Variants in LRP2BP observed in about 807,000 individuals in gnomAD.
LRP2BP encodes the protein LRP2 binding protein.
A neutral mutation model predicts 45.2 loss-of-function variants in LRP2BP; 38 were observed. The observed-to-expected ratio is 0.84, with a 90% CI of 0.65 to 1.10. LRP2BP has a LOEUF of 1.10. Ranked by LOEUF, LRP2BP falls within the 50% of genes least tolerant of loss-of-function variation. LRP2BP has a pLI of 0.00. For synonymous variants in LRP2BP, 153 were observed against 153.9 expected, an observed-to-expected ratio of 0.99 and a Z score of 0.04; for missense variants, 385 against 418.9, an observed-to-expected ratio of 0.92 and a Z score of 0.71.
In LRP2BP at chr4:185,395,479, G is replaced by A. The variant is rs4862523; in HGVS notation, c.-722C>T. On this transcript the variant is annotated 5_prime_UTR_variant, in exon 1 of 9. Coordinates refer to ENST00000505916, the MANE Select transcript of LRP2BP (RefSeq NM_001377440.1). Reference sequence around the variant, plus strand: ...AAAGCGAAACTGGCAATATCAACGTGTGCTCACCTCACAAATCTGACAACA... The same window carrying A: ...AAAGCGAAACTGGCAATATCAACGTATGCTCACCTCACAAATCTGACAACA... The A allele has an allele frequency of 0.69, 676,891 of 984,590 alleles. 238,817 individuals carry two copies. The highest frequency in any genetic ancestry group is 0.82 in the East Asian group (7,191 of 8,816). 61.0% of individuals were successfully genotyped at this position (984,590 alleles called of 1,614,324 possible). A position where few individuals can be genotyped will look rare whatever the true frequency, so the allele number is the denominator to read the frequency against.
At chr4:185,370,536 A>G in intron 8 of LRP2BP, 104 bp downstream of exon 8, 1 of 1,167,688 alleles carries the variant, frequency 8.6e-7, no homozygotes, top group Non-Finnish European at 1.2e-6. Context: ...TTATCTGCAC[A>G]GTAATTGAGT....
intron 8 of LRP2BP, among the ~76,000 whole-genome samples, chr4:185,369,533 T>G (rs2095407702): frequency 6.6e-6 from 1 of 152,182 alleles, no homozygotes. Context: ...CATGAACCAC[T>G]GTGCCTGGCC....
Position 185,367,045 on chromosome 4 carries a change from G to A in LRP2BP, c.*135C>T, listed in dbSNP as rs771930067. Reference sequence around the variant, plus strand: ...CTTAACAGCGTACGAATTCAAGAACGAAGTAACATGTCACCTGTAAAATAC... The same window carrying A: ...CTTAACAGCGTACGAATTCAAGAACAAAGTAACATGTCACCTGTAAAATAC... On this transcript the variant is annotated 3_prime_UTR_variant, in exon 9 of 9. Transcript: ENST00000505916. 3.8e-6 allele frequency: 3 copies of A among 780,204 alleles called. No homozygotes were observed. Among genetic ancestry groups the A allele is most frequent in the South Asian group, 3.7e-5 (2 of 54,622 alleles). The allele number at this position is 780,204 out of a possible 1,614,324, so 48.3% of individuals were successfully genotyped here.
chr4:185,377,151 T>G (rs2095440863), intron 2 of LRP2BP, 133 bp from the exon 3 acceptor site: 3 of 682,062 alleles, frequency 4.4e-6, no homozygotes, highest in Admixed American at 2.4e-5. Context: ...ACAACTGGCC[T>G]CCTTAGCTCA....
chr4:185,387,686 C>T lies in LRP2BP; in HGVS notation c.-22+7093G>A, dbSNP rs1051000410. On this transcript the variant is annotated intron_variant, in intron 1 of 8. Coordinates refer to ENST00000505916, the MANE Select transcript of LRP2BP (RefSeq NM_001377440.1). Reference sequence around the variant, plus strand: ...AGGTTACAAACATACTGCCATTGGCCACAGATGGACAGCCATAAGGCTATC... The same window carrying T: ...AGGTTACAAACATACTGCCATTGGCTACAGATGGACAGCCATAAGGCTATC... Among the ~76,000 whole-genome samples the T allele has an allele frequency of 1.1e-4, 16 of 152,274 alleles. No homozygotes were observed. The East Asian group carries it at 1.7e-3, about 17-fold the overall frequency.
At chr4:185,397,115 G>T (rs772747190), upstream of LRP2BP, 7 of 1,611,858 alleles carry the variant, frequency 4.3e-6, no homozygotes, top group South Asian at 6.6e-5. Flanking sequence ...CTGGACAAAG[G>T]TGGGAAGGGT....
At chr4:185,380,233 T>C (rs2095451838) in intron 1 of LRP2BP, among the ~76,000 whole-genome samples, 1 of 152,246 alleles carries the variant, frequency 6.6e-6, no homozygotes, top group Admixed American at 6.5e-5. Flanking sequence ...TGGCGTCTTT[T>C]ATTAGCTCCC....
Position 185,374,089 on chromosome 4 carries a change from T to C in LRP2BP, c.579+46A>G, listed in dbSNP as rs376242717. The C allele has an allele frequency of 1.1e-5, 17 of 1,489,494 alleles. No homozygotes were observed. In the African/African-American group the frequency reaches 1.8e-4, roughly 16 times the overall value. The allele number at this position is 1,489,494 out of a possible 1,614,324, so 92.3% of individuals were successfully genotyped here. On this transcript the variant is annotated intron_variant, in intron 6 of 8. Coordinates refer to ENST00000505916, the MANE Select transcript of LRP2BP (RefSeq NM_001377440.1). ...TTCTCAAAAAAAGCAGTGAAACAAA[T>C]ATTAATCTAAATATAACACTAGCAT...
Position 185,374,478 on chromosome 4 carries a change from A to G in LRP2BP, c.331-17T>C, listed in dbSNP as rs753634565. 2 of 1,605,152 alleles carry G rather than the reference A, an allele frequency of 1.2e-6. No individual in the cohort carries two copies. The highest frequency in any genetic ancestry group is 2.2e-5 in the South Asian group (2 of 89,096). ...CCCTTTCTCCTTCGACAAAAGAAAG[A>G]GCAAAAAAACCCTAGTTTTTAGTTT... is the stretch of plus-strand genomic sequence containing the variant. On this transcript the variant is annotated splice_polypyrimidine_tract_variant and intron_variant, in intron 4 of 8. Transcript: ENST00000505916.
At chr4:185,388,886 A>T (rs983564327) in intron 1 of LRP2BP, among the ~76,000 whole-genome samples, 10 of 151,316 alleles carry the variant, frequency 6.6e-5, no homozygotes, top group Non-Finnish European at 1.0e-4. Context: ...AATAATTATT[A>T]TTTTTTTTGA....
At chr4:185,376,563 G>A (rs1325503665) in intron 3 of LRP2BP, among the ~76,000 whole-genome samples, 1 of 151,482 alleles carries the variant, frequency 6.6e-6, no homozygotes, top group East Asian at 1.9e-4. Flanking sequence ...CGAAGTACTG[G>A]GATTACAGGC....
chr4:185,395,242 G>T lies in LRP2BP; in HGVS notation c.-485C>A, dbSNP rs985463880. On this transcript the variant is annotated 5_prime_UTR_variant, in exon 1 of 9. In the 5' UTR this introduces an upstream ATG that the reference lacks. Coordinates refer to ENST00000505916, the MANE Select transcript of LRP2BP (RefSeq NM_001377440.1). The stretch of plus-strand genomic sequence containing the variant: ...ACTACCACTTAATGCATACTGAACA[G>T]AATCTTGTTTCAAAGAAAAGATATG... The T allele has an allele frequency of 1.0e-6, 1 of 985,400 alleles. No individual in the cohort carries two copies. The highest frequency in any genetic ancestry group is 1.7e-5 in the African/African-American group (1 of 57,350). 61.0% of individuals were successfully genotyped at this position (985,400 alleles called of 1,614,324 possible).
chr4:185,384,912 G>A (rs947492338), intron 1 of LRP2BP, among the ~76,000 whole-genome samples: 2 of 18,418 alleles, frequency 1.1e-4, no homozygotes, highest in Non-Finnish European at 2.6e-4. Flanking sequence ...CCCGTCCCCC[G>A]CCGCCCCTTT....
At position 185,395,859 on chromosome 4, in the gene LRP2BP, A is replaced by T; in HGVS notation, c.-1102T>A. ...GGAATCACTAAAAATGTAGGGGAAA[A>T]GAAACACTCGGCTGGAGCTTTGGTT... is the stretch of plus-strand genomic sequence containing the variant. On this transcript the variant is annotated 5_prime_UTR_variant, in exon 1 of 9. Transcript: ENST00000505916. 1 of 985,504 alleles carries T rather than the reference A, an allele frequency of 1.0e-6. No homozygotes were observed. Among genetic ancestry groups the T allele is most frequent in the Non-Finnish European group, 1.2e-6 (1 of 829,948 alleles). 61.0% of individuals were successfully genotyped at this position (985,504 alleles called of 1,614,324 possible).
At chr4:185,395,990 C>A (rs2095501258), upstream of LRP2BP, 1 of 836,598 alleles carries the variant, frequency 1.2e-6, no homozygotes, top group South Asian at 5.5e-5. Flanking sequence ...AAAGCAGTGA[C>A]GCACGCCCGA....
At chr4:185,370,868 T>C (rs1023771976) in intron 7 of LRP2BP, 54 bp from the exon 8 acceptor site, 2 of 1,566,682 alleles carry the variant, frequency 1.3e-6, no homozygotes, top group Non-Finnish European at 8.8e-7. Context: ...GGTAAGTGTT[T>C]GTAAAACGAT....
At chr4:185,378,231 G>A (rs368546319) in intron 1 of LRP2BP, 24 bp from the exon 2 acceptor site, 11 of 1,603,310 alleles carry the variant, frequency 6.9e-6, no homozygotes, top group Non-Finnish European at 7.6e-6. Flanking sequence ...GAAAAAATAA[G>A]TGGTAGAAAT....
chr4:185,367,393 T>C, intron 8 of LRP2BP, 148 bp from the exon 9 acceptor site: 1 of 638,100 alleles, frequency 1.6e-6, no homozygotes, highest in Non-Finnish European at 2.7e-6. Flanking sequence ...TCTATTCTGA[T>C]GTCCTACTTT....
intron 7 of LRP2BP, among the ~76,000 whole-genome samples, chr4:185,371,492 A>G (rs1352565223): frequency 6.9e-6 from 1 of 145,780 alleles, no homozygotes; most frequent in Non-Finnish European, 1.5e-5. Flanking sequence ...CAGTGAGCCG[A>G]GATCGCACCA....
Sources: gnomAD v4.1 joint callset for allele counts (sites outside exome capture counted in the v4.1 genomes callset) on GRCh38, gnomAD v4.1.1 for gene constraint, MANE v1.5 for transcripts, NCBI Gene and HGNC (gene_info 2026-07-23, HGNC 2026-07-21) for gene names.